The following CUX2 variants were observed in gnomAD, a reference collection of about 807,000 sequenced individuals.
CUX2 encodes homeobox protein cut-like 2.
In CUX2, 40 loss-of-function variants were observed where a neutral mutation model predicts 144.8. The observed-to-expected ratio is 0.28, with a 90% CI of 0.21 to 0.36. The LOEUF is 0.36. Ranked by LOEUF, CUX2 falls within the 10% of genes least tolerant of loss-of-function variation. The pLI is 1.00. For synonymous variants in CUX2, 827 were observed against 875.6 expected (o/e 0.94, Z 0.98); for missense variants, 1,615 against 1,994.0 (o/e 0.81, Z 3.62).
chr12:111,102,065 A>G (rs950488864), intron 1 of CUX2, among the ~76,000 whole-genome samples: 1 of 152,196 alleles, frequency 6.6e-6, no homozygotes, highest in Non-Finnish European at 1.5e-5. Flanking sequence ...AAAATCACAC[A>G]ATGTGTAACC....
intron 1 of CUX2, among the ~76,000 whole-genome samples, chr12:111,036,626 A>G (rs1267975375): frequency 6.9e-6 from 1 of 145,720 alleles, no homozygotes; most frequent in Non-Finnish European, 1.5e-5. Context: ...CAGGGTGTAT[A>G]TGTGAAGGGG....
At chr12:111,197,896 C>T (rs1179825525) in intron 1 of CUX2, among the ~76,000 whole-genome samples, 1 of 152,196 alleles carries the variant, frequency 6.6e-6, no homozygotes, top group African/African-American at 2.4e-5. Context: ...GCTCACTTTT[C>T]CCACAGCAGT....
Position 111,217,949 on chromosome 12 carries a change from G to A in CUX2, c.222+12G>A, listed in dbSNP as rs1881637550. Reference sequence around the variant, plus strand: ...GCTTCCAAGCCGAGGTAAGACCCAGGGCCCACAGCATGTCAGAAAAGTGCC... The same window carrying A: ...GCTTCCAAGCCGAGGTAAGACCCAGAGCCCACAGCATGTCAGAAAAGTGCC... On this transcript the variant is annotated intron_variant, in intron 3 of 21. Coordinates refer to ENST00000261726, the MANE Select transcript of CUX2 (RefSeq NM_015267.4). 1 of 1,613,636 alleles carries A rather than the reference G, an allele frequency of 6.2e-7. No homozygotes were observed. Among genetic ancestry groups the A allele is most frequent in the African/African-American group, 1.3e-5 (1 of 74,874 alleles).
intron 1 of CUX2, among the ~76,000 whole-genome samples, chr12:111,183,122 A>C (rs79090864): frequency 0.011 from 1,666 of 152,342 alleles, 27 homozygotes; most frequent in African/African-American, 0.038. Flanking sequence ...TGGAAGTCAA[A>C]TTCAGGTCAG....
At chr12:111,250,630 G>T (rs1883517350) in intron 3 of CUX2, among the ~76,000 whole-genome samples, 1 of 152,226 alleles carries the variant, frequency 6.6e-6, no homozygotes, top group African/African-American at 2.4e-5. Context: ...CACACAGGGG[G>T]CTGGTGGCAA....
intron 4 of CUX2, among the ~76,000 whole-genome samples, chr12:111,274,564 A>AC (rs1281069351): frequency 6.6e-6 from 1 of 151,050 alleles, no homozygotes; most frequent in African/African-American, 2.4e-5. Flanking sequence ...GCCAGGAGGA[A>AC]CCCCCCGCCA....
rs147410644 is a variant in CUX2, at chr12:111,123,236, G to A, written c.63+88996G>A. 3.5e-3 allele frequency among the ~76,000 whole-genome samples: 536 copies of A among 152,312 alleles called. 3 individuals are homozygous for A. Among genetic ancestry groups the A allele is most frequent in the African/African-American group, 0.012 (511 of 41,554 alleles). On this transcript the variant is annotated intron_variant, in intron 1 of 21. Transcript: ENST00000261726. The stretch of plus-strand genomic sequence containing the variant: ...CTCCCTCTGTCGCCCAGGCTGAAGT[G>A]CAGTGGTGCCATCTTGGCTCACTGC...
chr12:111,157,234 G>T (rs1364468029), intron 1 of CUX2, among the ~76,000 whole-genome samples: 1 of 147,848 alleles, frequency 6.8e-6, no homozygotes, highest in East Asian at 2.0e-4. Context: ...CGTTGACAAG[G>T]ATTCTTAGAC....
chr12:111,239,318 C>A (rs2136256319), intron 3 of CUX2, among the ~76,000 whole-genome samples: 1 of 152,278 alleles, frequency 6.6e-6, no homozygotes, highest in Middle Eastern at 3.4e-3. Context: ...AGAGGCCAAG[C>A]TGACATTAGT....
intron 1 of CUX2, among the ~76,000 whole-genome samples, chr12:111,117,993 G>A (rs369206484): frequency 2.0e-5 from 3 of 152,144 alleles, no homozygotes; most frequent in East Asian, 1.9e-4. Flanking sequence ...TTGCCTTACC[G>A]TATTTCCCAG....
Position 111,170,545 on chromosome 12 carries a change from C to CTT in CUX2, c.64-43630_64-43629dup, listed in dbSNP as rs34282526. On this transcript the variant is annotated intron_variant, in intron 1 of 21. Coordinates refer to ENST00000261726, the MANE Select transcript of CUX2 (RefSeq NM_015267.4). ...AGCTGGATGCACACCCCCAGCTCTTCTTTTTTTTTTTTTTTTTTTTTTTTT... is the reference window on the plus strand; with the variant it reads ...AGCTGGATGCACACCCCCAGCTCTTCTTTTTTTTTTTTTTTTTTTTTTTTTTT... Among the ~76,000 whole-genome samples, 686 of 79,952 alleles carry CTT rather than the reference C, an allele frequency of 8.6e-3. 83 individuals are homozygous for CTT. The highest frequency in any genetic ancestry group is 0.031 in the African/African-American group (534 of 17,150). The allele number at this position is 79,952 out of a possible 152,430, so 52.5% of individuals were successfully genotyped here. A position where few individuals can be genotyped will look rare whatever the true frequency, so the allele number is the denominator to read the frequency against.
chr12:111,324,628 G>A (rs542141232), intron 18 of CUX2, among the ~76,000 whole-genome samples: 1 of 152,122 alleles, frequency 6.6e-6, no homozygotes, highest in Admixed American at 6.5e-5. Context: ...AGCCTCCCGA[G>A]TAGCTGGGGT....
chr12:111,206,233 G>A (rs1014538027), intron 1 of CUX2, among the ~76,000 whole-genome samples: 2 of 152,240 alleles, frequency 1.3e-5, no homozygotes, highest in Non-Finnish European at 2.9e-5. Flanking sequence ...TTGGGAGGCT[G>A]AGAAGGGAGC....
At chr12:111,201,215 A>C (rs1592833136) in intron 1 of CUX2, among the ~76,000 whole-genome samples, 1 of 151,930 alleles carries the variant, frequency 6.6e-6, no homozygotes. Flanking sequence ...TGATGCCTCC[A>C]CCCACCTTCC....
chr12:111,340,325 C>T (rs986484002), intron 20 of CUX2, among the ~76,000 whole-genome samples: 1 of 152,186 alleles, frequency 6.6e-6, no homozygotes, highest in Non-Finnish European at 1.5e-5. Flanking sequence ...TCAAGATGCA[C>T]CATGCAGTCA....
intron 1 of CUX2, among the ~76,000 whole-genome samples, chr12:111,088,067 G>A (rs1374139812): frequency 6.6e-6 from 1 of 152,208 alleles, no homozygotes; most frequent in African/African-American, 2.4e-5. Context: ...ACTTACTGAA[G>A]GATTCCACTT....
intron 3 of CUX2, among the ~76,000 whole-genome samples, chr12:111,226,004 C>T (rs1882118977): frequency 1.3e-5 from 2 of 152,192 alleles, no homozygotes; most frequent in East Asian, 1.9e-4. Context: ...AGTGCAGCAG[C>T]GCAATCTCAG....
intron 3 of CUX2, among the ~76,000 whole-genome samples, chr12:111,241,705 A>G (rs1277518600): frequency 1.3e-5 from 2 of 152,254 alleles, no homozygotes; most frequent in African/African-American, 4.8e-5. Flanking sequence ...CATTCAACCC[A>G]TGTTTCTGGC....
chr12:111,303,928 G>A (rs142827607), intron 9 of CUX2, among the ~76,000 whole-genome samples: 236 of 152,264 alleles, frequency 1.5e-3, no homozygotes, highest in African/African-American at 5.4e-3. Context: ...ACTCCTCTGG[G>A]GGTCCCAGGC....
Sources: allele counts gnomAD v4.1 joint callset (sites outside exome capture counted in the v4.1 genomes callset), GRCh38; gene constraint gnomAD v4.1.1; transcripts MANE v1.5; gene names NCBI Gene and HGNC (gene_info 2026-07-23, HGNC 2026-07-21).